Variants in SYDE2 observed in about 807,000 individuals in gnomAD.
SYDE2 encodes the protein synapse defective Rho GTPase homolog 2.
In SYDE2, 76 loss-of-function variants were observed where a neutral mutation model predicts 91.5. The ratio of observed to expected loss-of-function variants is 0.83; its 90% CI spans 0.69 to 1.01. The LOEUF is 1.01. Among genes scored for constraint, SYDE2 ranks in the 50% least tolerant of loss-of-function variants. The probability of loss-of-function intolerance (pLI) is 0.00; values close to 1 mark genes in which losing one functional copy is unlikely to be tolerated. For missense variants in SYDE2, 1,364 were observed against 1,367.7 expected, an observed-to-expected ratio of 1.00 and a Z score of 0.04; for synonymous variants, 513 against 506.4, an observed-to-expected ratio of 1.01 and a Z score of -0.18.
chr1:85,160,321 G>A, intron 6 of SYDE2: 5 of 914,258 alleles, frequency 5.5e-6, no homozygotes, highest in Non-Finnish European at 5.2e-6. Flanking sequence ...GACTTAAAGT[G>A]ATATTCATAA....
At chr1:85,177,344 T>C (rs1657739024) in intron 4 of SYDE2, among the ~76,000 whole-genome samples, 1 of 152,216 alleles carries the variant, frequency 6.6e-6, no homozygotes, top group African/African-American at 2.4e-5. Flanking sequence ...CATCCTCTTC[T>C]TAGCTGCAGA....
rs780441295 is a variant in SYDE2 at position 85,169,218 on chromosome 1, A to C, written c.2679T>G (p.Leu893=). ...YPDINVITGV[L]KDYLRELPSP... ...AAGGGAGTTCTCTTAAATAATCCTTAAGAACACCTTTAAAAAACAAACCGC... is the reference window on the plus strand; with the variant it reads ...AAGGGAGTTCTCTTAAATAATCCTTCAGAACACCTTTAAAAAACAAACCGC... The change falls in exon 5 of 7, where the codon CTT becomes CTG. Residue 893 remains leucine (L), a synonymous_variant. Transcript: ENST00000341460. 6.2e-7 allele frequency: 1 copy of C among 1,609,214 alleles called. No individual in the cohort carries two copies.
chr1:85,182,384 G>C lies in SYDE2; in HGVS notation c.2258C>G (p.Pro753Arg), dbSNP rs1657959889. 1 of 1,613,480 alleles carries C rather than the reference G, an allele frequency of 6.2e-7. No homozygotes were observed. The highest frequency in any genetic ancestry group is 1.7e-5 in the Admixed American group (1 of 59,958). The change falls in exon 3 of 7, where the codon CCA (proline) becomes CGA (arginine). Residue 753 changes from proline to arginine, a missense_variant. By Grantham distance (103) the Pro-to-Arg change is moderately radical. Coordinates refer to ENST00000341460, the MANE Select transcript of SYDE2 (RefSeq NM_032184.2). ...ATGACAACAAACTCGATTTTTTCTT[G>C]GAGTGGGTTCCCAACTGAATACTAC... is the stretch of plus-strand genomic sequence containing the variant. ...KLVVFSWEPT[P>R]RKNRVCCHGT...
At chr1:85,189,670 T>C (rs1658283297) in intron 2 of SYDE2, among the ~76,000 whole-genome samples, 1 of 152,102 alleles carries the variant, frequency 6.6e-6, no homozygotes, top group South Asian at 2.1e-4. Context: ...ACCCTGTCTC[T>C]ACAAAAAATA....
In SYDE2 at chr1:85,200,810, G is replaced by T. The variant is rs971511330; in HGVS notation, c.187C>A (p.Arg63=). Residue 63 remains arginine (R), a synonymous_variant, in exon 1 of 7, where the codon CGG becomes AGG. Transcript: ENST00000341460. The stretch of plus-strand genomic sequence containing the variant: ...CCCCGCGGCTCCCTCTGAGGCGACC[G>T]GGGCGGGGACACCTGCTGCCGAGGG... ...GRPRQQVSPP[R]SPQREPRGGQ... The T allele has an allele frequency of 1.4e-6, 2 of 1,457,600 alleles. No homozygotes were observed. Among genetic ancestry groups the T allele is most frequent in the Admixed American group, 2.7e-5 (1 of 36,808 alleles). The allele number at this position is 1,457,600 out of a possible 1,614,324, so 90.3% of individuals were successfully genotyped here. A position where few individuals can be genotyped will look rare whatever the true frequency, so the allele number is the denominator to read the frequency against.
intron 1 of SYDE2, among the ~76,000 whole-genome samples, chr1:85,191,744 C>T (rs966693245): frequency 5.2e-5 from 7 of 135,228 alleles, no homozygotes; most frequent in South Asian, 2.3e-4. Flanking sequence ...GGTAACAGAG[C>T]GAGATTCCGT....
chr1:85,200,077 G>A (rs950342087), intron 1 of SYDE2, 175 bp downstream of exon 1: 145 of 870,908 alleles, frequency 1.7e-4, no homozygotes, highest in Non-Finnish European at 1.8e-4. Context: ...ACGAGTAAAT[G>A]CATTACATTA....
chr1:85,181,837 C>T, intron 3 of SYDE2: 1 of 295,794 alleles, frequency 3.4e-6, no homozygotes, highest in African/African-American at 2.2e-5. Context: ...CATTTTGAAG[C>T]AATCCTGATT....
intron 6 of SYDE2, 27 bp from the exon 7 acceptor site, chr1:85,159,276 A>G: frequency 1.3e-6 from 1 of 770,134 alleles, no homozygotes; most frequent in Non-Finnish European, 2.4e-6. Context: ...ATTTTGCTTT[A>G]GTGACAGTAA....
At position 85,158,724 on chromosome 1, in the gene SYDE2, G is replaced by A; in HGVS notation, c.*26C>T. ...AACAAAAACAGATTTGAAACTTTAA[G>A]ACATTACAAAAAAAAACCCTCAATC... On this transcript the variant is annotated 3_prime_UTR_variant, in exon 7 of 7. Transcript: ENST00000341460. 1.4e-6 allele frequency: 1 copy of A among 700,880 alleles called. No individual in the cohort carries two copies. The highest frequency in any genetic ancestry group is 1.6e-5 in the South Asian group (1 of 62,030). 43.4% of individuals were successfully genotyped at this position (700,880 alleles called of 1,614,324 possible). A position where few individuals can be genotyped will look rare whatever the true frequency, so the allele number is the denominator to read the frequency against.
In SYDE2 at chr1:85,200,356, G is replaced by A. The variant is rs768555839; in HGVS notation, c.641C>T (p.Pro214Leu). The A allele has an allele frequency of 6.2e-7, 1 of 1,613,988 alleles. No individual in the cohort carries two copies. Among genetic ancestry groups the A allele is most frequent in the Non-Finnish European group, 8.5e-7 (1 of 1,179,904 alleles). ...GGCTGCCTGCGTTCCTGTGACTTTG[G>A]GAGCCGTCCCACGGGCACGACCCTT... is the stretch of plus-strand genomic sequence containing the variant. ...GMKGRARGTAPKVTGTQAASP... is the reference protein window; with the variant it reads ...GMKGRARGTALKVTGTQAASP... Residue 214 changes from proline (P) to leucine (L), a missense_variant, in exon 1 of 7, where the codon CCC becomes CTC. Pro to Leu is a moderately conservative substitution (Grantham distance 98). Transcript: ENST00000341460.
chr1:85,199,178 C>T (rs978342273), intron 1 of SYDE2, among the ~76,000 whole-genome samples: 6 of 152,108 alleles, frequency 3.9e-5, no homozygotes, highest in Non-Finnish European at 8.8e-5. Flanking sequence ...TAATTACTAC[C>T]AGAGAAACCG....
intron 1 of SYDE2, among the ~76,000 whole-genome samples, chr1:85,193,447 C>T (rs746045528): frequency 2.0e-5 from 3 of 152,116 alleles, no homozygotes; most frequent in Non-Finnish European, 4.4e-5. Flanking sequence ...TAGCTAGACA[C>T]ATTCATTATT....
chr1:85,171,223 T>G (rs1198297663), intron 4 of SYDE2, among the ~76,000 whole-genome samples: 2 of 152,150 alleles, frequency 1.3e-5, no homozygotes, highest in Non-Finnish European at 2.9e-5. Flanking sequence ...AATGATCAAC[T>G]TAAAGATAAC....
At position 85,190,375 on chromosome 1, in the gene SYDE2, TG is replaced by T; in HGVS notation, c.1122del (p.Ile375PhefsTer13). The T allele has an allele frequency of 6.2e-7, 1 of 1,613,934 alleles. No individual in the cohort carries two copies. The highest frequency in any genetic ancestry group is 2.2e-5 in the East Asian group (1 of 44,892). On this transcript the variant is annotated frameshift_variant, in exon 2 of 7. Transcript: ENST00000341460. LOFTEE classifies it high-confidence loss of function. Reference protein sequence around the residue: ...ADDEGEIWYNPIPEDDDLGIS... With the variant: ...ADDEGEIWYNXIPEDDDLGIS... ...ATACCAAGGTCATCATCCTCAGGAA[TG>T]GGATTGTACCATATTTCTCCTTCAT...
intron 6 of SYDE2, among the ~76,000 whole-genome samples, chr1:85,163,915 T>C (rs1657166187): frequency 6.6e-6 from 1 of 152,190 alleles, no homozygotes; most frequent in South Asian, 2.1e-4. Flanking sequence ...CAGTCTTTAG[T>C]TATTGATTGA....
chr1:85,188,690 T>C (rs191445697), intron 2 of SYDE2, among the ~76,000 whole-genome samples: 3 of 152,304 alleles, frequency 2.0e-5, no homozygotes, highest in African/African-American at 7.2e-5. Context: ...AGAATTATTC[T>C]GCCCAAGGGT....
intron 4 of SYDE2, among the ~76,000 whole-genome samples, chr1:85,174,035 G>A (rs373819536): frequency 2.0e-5 from 3 of 147,284 alleles, no homozygotes; most frequent in East Asian, 3.9e-4. Context: ...AAAATGAAAC[G>A]AAGTATGGAA....
At chr1:85,184,926 A>G (rs1040359053) in intron 2 of SYDE2, among the ~76,000 whole-genome samples, 1 of 151,882 alleles carries the variant, frequency 6.6e-6, no homozygotes, top group African/African-American at 2.4e-5. Flanking sequence ...TTAATGAGGA[A>G]AAAACAAGTC....
Sources: allele counts gnomAD v4.1 joint callset (sites outside exome capture counted in the v4.1 genomes callset), GRCh38; gene constraint gnomAD v4.1.1; transcripts MANE v1.5; gene names NCBI Gene and HGNC (gene_info 2026-07-23, HGNC 2026-07-21).